The following GAS7 variants were observed in gnomAD, a reference collection of about 807,000 sequenced individuals.
GAS7 encodes growth arrest specific 7.
A neutral mutation model predicts 71.1 loss-of-function variants in GAS7; 28 were observed. The observed-to-expected ratio is 0.39, with a 90% CI of 0.29 to 0.54. The LOEUF is 0.54. GAS7 is among the 20% of genes least tolerant of loss of function. The probability of loss-of-function intolerance (pLI) is 0.62; values close to 1 mark genes in which losing one functional copy is unlikely to be tolerated. For synonymous variants in GAS7, 258 were observed against 245.8 expected, an observed-to-expected ratio of 1.05 and a Z score of -0.46; for missense variants, 436 against 627.8, an observed-to-expected ratio of 0.69 and a Z score of 3.27.
In GAS7 at chr17:9,912,590, C is replaced by T. The variant is rs1163624866; in HGVS notation, c.*4638G>A. 4 of 232,810 alleles carry T rather than the reference C, an allele frequency of 1.7e-5. No individual in the cohort carries two copies. The East Asian group carries it at 1.8e-4, about 11-fold the overall frequency. 14.4% of individuals were successfully genotyped at this position (232,810 alleles called of 1,614,324 possible). A position where few individuals can be genotyped will look rare whatever the true frequency, so the allele number is the denominator to read the frequency against. On this transcript the variant is annotated 3_prime_UTR_variant, in exon 14 of 14. Transcript: ENST00000432992. ...GATGCAAGCTTCAGGTTGCAGCAGA[C>T]GTGAGCAGCAATTGAGCACCCATCC...
chr17:9,982,858 A>AAAGAAAGAAAGC (rs1003932847), intron 2 of GAS7, among the ~76,000 whole-genome samples: 2 of 149,750 alleles, frequency 1.3e-5, no homozygotes, highest in African/African-American at 4.9e-5. Flanking sequence ...AGAAAGAAAG[A>AAAGAAAGAAAGC]AAGAAAGAAA....
chr17:9,992,122 G>C (rs1379497303), intron 2 of GAS7, among the ~76,000 whole-genome samples: 4 of 152,170 alleles, frequency 2.6e-5, no homozygotes, highest in Admixed American at 2.6e-4. Flanking sequence ...AACTAGTATA[G>C]TCCATAGCAG....
At chr17:10,182,527 G>A (rs964797124) in intron 1 of GAS7, among the ~76,000 whole-genome samples, 1 of 152,184 alleles carries the variant, frequency 6.6e-6, no homozygotes, top group Non-Finnish European at 1.5e-5. Flanking sequence ...TTTCCTGTGT[G>A]AAGCCAAGAA....
intron 1 of GAS7, among the ~76,000 whole-genome samples, chr17:10,080,184 T>C (rs548258189): frequency 6.6e-6 from 1 of 152,282 alleles, no homozygotes; most frequent in South Asian, 2.1e-4. Context: ...AAAACTGACC[T>C]CTGGTCATCC....
chr17:9,966,495 T>C (rs937263185), intron 4 of GAS7, among the ~76,000 whole-genome samples: 1 of 152,166 alleles, frequency 6.6e-6, no homozygotes, highest in African/African-American at 2.4e-5. Flanking sequence ...TATTCATTTA[T>C]TGATGTTTAA....
intron 2 of GAS7, among the ~76,000 whole-genome samples, chr17:9,986,170 AAG>A (rs1444197217): frequency 2.0e-5 from 3 of 152,190 alleles, no homozygotes; most frequent in African/African-American, 7.2e-5. Context: ...GTGACAGCAC[AAG>A]AGAGATTCCC....
intron 1 of GAS7, among the ~76,000 whole-genome samples, chr17:10,098,043 C>CAAAA (rs34381280): frequency 5.1e-5 from 7 of 136,822 alleles, no homozygotes; most frequent in African/African-American, 1.3e-4. Flanking sequence ...GACTCCATCT[C>CAAAA]AAAAAAAAAA....
At chr17:10,021,917 T>C (rs931471464) in intron 1 of GAS7, among the ~76,000 whole-genome samples, 2 of 152,038 alleles carry the variant, frequency 1.3e-5, no homozygotes, top group Non-Finnish European at 2.9e-5. Flanking sequence ...TTCTGTCCAA[T>C]AGGATTAGAA....
rs115907601 is a variant in GAS7, at chr17:10,053,932, G to C, written c.184-34035C>G. Among the ~76,000 whole-genome samples the C allele has an allele frequency of 2.0e-5, 3 of 152,196 alleles. No homozygotes were observed. In the South Asian group the frequency reaches 6.2e-4, roughly 32 times the overall value. On this transcript the variant is annotated intron_variant, in intron 1 of 13. Transcript: ENST00000432992. ...AAGGGCTGTTAGGACACAGTCTGCC[G>C]GGCCCACCCTCCAAGCTTCTGGATC... is the stretch of plus-strand genomic sequence containing the variant.
rs142987421 is a variant in GAS7, at chr17:9,974,049, T to C, written c.386-4287A>G. Reference sequence around the variant, plus strand: ...CCTCTGCCCCAGTCTTTCCCCACACTTGCAGCCGCCAGGAACTGTCTAAAG... The same window carrying C: ...CCTCTGCCCCAGTCTTTCCCCACACCTGCAGCCGCCAGGAACTGTCTAAAG... On this transcript the variant is annotated intron_variant, in intron 3 of 13. Coordinates refer to ENST00000432992, the MANE Select transcript of GAS7 (RefSeq NM_201433.2). This position sits in a 1 kb window ranked among gnomAD's most constrained non-coding sequence, Gnocchi z 4.0. Among the ~76,000 whole-genome samples, 82 of 152,214 alleles carry C rather than the reference T, an allele frequency of 5.4e-4. 2 individuals are homozygous for C. In the East Asian group the frequency reaches 0.011, roughly 21 times the overall value.
intron 3 of GAS7, among the ~76,000 whole-genome samples, chr17:9,972,318 A>C (rs12941759): frequency 0.43 from 64,930 of 151,852 alleles, 14,346 homozygotes; most frequent in South Asian, 0.5. Flanking sequence ...ATCCACTCTG[A>C]CTGGCATCAA....
Position 9,943,126 on chromosome 17 carries a change from C to G in GAS7, c.726G>C (p.Arg242=), listed in dbSNP as rs1200983207. The G allele has an allele frequency of 1.2e-6, 2 of 1,603,280 alleles. No homozygotes were observed. ...GGGAGGGGCCCAGGCTTCACCTTTC[C>G]CGGATGAATTCTGACATTTCCTTCT... ...QMQKEMSEFI[R]ERIKIEEDYA... is the part of the protein sequence containing the mutation. The change falls in exon 7 of 14, where the codon CGG becomes CGC. Residue 242 remains arginine, a synonymous_variant. Coordinates refer to ENST00000432992, the MANE Select transcript of GAS7 (RefSeq NM_201433.2).
chr17:9,969,875 G>A lies in GAS7; in HGVS notation c.386-113C>T. On this transcript the variant is annotated intron_variant, in intron 3 of 13. Transcript: ENST00000432992. This position sits in a 1 kb window ranked among gnomAD's most constrained non-coding sequence, Gnocchi z 5.5. ...TCCTTCCTTGGCTCTGAGAGGTCTT[G>A]CGTGGCGAAGACCATCCCTCAGGAT... The A allele has an allele frequency of 1.4e-6, 1 of 704,438 alleles. No individual in the cohort carries two copies. 43.6% of individuals were successfully genotyped at this position (704,438 alleles called of 1,614,324 possible).
intron 1 of GAS7, among the ~76,000 whole-genome samples, chr17:10,070,966 A>T (rs1022549325): frequency 1.3e-5 from 2 of 150,624 alleles, no homozygotes; most frequent in African/African-American, 2.4e-5. Flanking sequence ...TTTTGCACCA[A>T]CCTAAATATT....
At chr17:10,126,777 T>C (rs184104046) in intron 1 of GAS7, among the ~76,000 whole-genome samples, 40 of 152,358 alleles carry the variant, frequency 2.6e-4, no homozygotes, top group African/African-American at 9.6e-4. Context: ...GAAGAGACTA[T>C]GCTCCGGAAC....
intron 1 of GAS7, among the ~76,000 whole-genome samples, chr17:10,123,848 T>G (rs1383753442): frequency 1.3e-5 from 2 of 152,198 alleles, no homozygotes; most frequent in African/African-American, 4.8e-5. Context: ...CCCTCCATCT[T>G]GAGCAGAGCC....
intron 1 of GAS7, among the ~76,000 whole-genome samples, chr17:10,168,896 G>A (rs2074314465): frequency 6.6e-6 from 1 of 151,110 alleles, no homozygotes; most frequent in African/African-American, 2.4e-5. Context: ...CTTGAACATG[G>A]GAGGCAGAGC....
chr17:9,973,920 T>C (rs571000362), intron 3 of GAS7, among the ~76,000 whole-genome samples: 7 of 152,278 alleles, frequency 4.6e-5, no homozygotes, highest in African/African-American at 1.7e-4. Context: ...TCTCTATCTT[T>C]GATAATGCTG....
rs377009467 is a variant in GAS7 at position 10,107,921 on chromosome 17, G to A, written c.184-88024C>T. On this transcript the variant is annotated intron_variant, in intron 1 of 13. Transcript: ENST00000432992. ...TACACAGTCCAGTGGTGGTGGGCTG[G>A]TTAGGGAAACCGCCTTACACACAGT... 5.5e-3 allele frequency among the ~76,000 whole-genome samples: 835 copies of A among 152,028 alleles called. 6 individuals carry two copies. The highest frequency in any genetic ancestry group is 0.019 in the African/African-American group (803 of 41,470).
Sources: gnomAD v4.1 joint callset for allele counts (sites outside exome capture counted in the v4.1 genomes callset) on GRCh38, gnomAD v4.1.1 for gene constraint, Gnocchi (gnomAD v3.1) non-coding constraint, MANE v1.5 for transcripts, NCBI Gene and HGNC (gene_info 2026-07-23, HGNC 2026-07-21) for gene names.